The following RAPGEF1 variants were observed in gnomAD, a reference collection of about 807,000 sequenced individuals.
RAPGEF1 encodes CRK SH3-binding GNRP.
RAPGEF1 carries 33 observed loss-of-function variants against 143.3 expected under a neutral mutation model. The ratio of observed to expected loss-of-function variants is 0.23; its 90% CI spans 0.17 to 0.31. The LOEUF is 0.31. Ranked by LOEUF, RAPGEF1 falls within the 10% of genes least tolerant of loss-of-function variation. RAPGEF1 has a pLI of 1.00. For synonymous variants in RAPGEF1, 629 were observed against 676.5 expected (o/e 0.93, Z 1.09); for missense variants, 1,199 against 1,645.4 (o/e 0.73, Z 4.69).
chr9:131,709,536 A>T, intron 1 of RAPGEF1: 1 of 1,286,716 alleles, frequency 7.8e-7, no homozygotes, highest in Non-Finnish European at 1.1e-6. Context: ...TTCCCCAGGC[A>T]CTTCAGCTCT....
At chr9:131,656,258 T>C (rs1429529576) in intron 1 of RAPGEF1, among the ~76,000 whole-genome samples, 1 of 152,228 alleles carries the variant, frequency 6.6e-6, no homozygotes, top group East Asian at 1.9e-4. Flanking sequence ...CACTCTTCTC[T>C]TCCTTTGGCA....
In RAPGEF1 at chr9:131,636,780, A is replaced by G. The variant is rs145399130; in HGVS notation, c.651+1855T>C. Among the ~76,000 whole-genome samples the G allele has an allele frequency of 1.6e-3, 238 of 152,320 alleles. 2 individuals carry two copies. In the East Asian group the frequency reaches 0.017, roughly 11 times the overall value. ...CGTTCCACTCTGCTCTGCTGAACCC[A>G]GTGTGCTACTGTGAGGACCAGATAT... On this transcript the variant is annotated intron_variant, in intron 5 of 26. Coordinates refer to ENST00000683357, the MANE Select transcript of RAPGEF1 (RefSeq NM_001377935.1).
At chr9:131,670,798 A>G (rs527413621) in intron 1 of RAPGEF1, among the ~76,000 whole-genome samples, 47 of 152,210 alleles carry the variant, frequency 3.1e-4, no homozygotes, top group Non-Finnish European at 6.0e-4. Context: ...GGAAGAACAT[A>G]TATTTCAGTG....
intron 1 of RAPGEF1, among the ~76,000 whole-genome samples, chr9:131,658,314 A>G (rs1262499309): frequency 6.6e-6 from 1 of 150,664 alleles, no homozygotes; most frequent in African/African-American, 2.5e-5. Context: ...ACTTTCCCAC[A>G]TGGCCATGTC....
At chr9:131,674,658 T>C (rs1564677067) in intron 1 of RAPGEF1, among the ~76,000 whole-genome samples, 1 of 152,188 alleles carries the variant, frequency 6.6e-6, no homozygotes, top group Non-Finnish European at 1.5e-5. Context: ...TAGAGTCCAG[T>C]CCGGTGACCG....
At chr9:131,696,488 C>T (rs749620994) in intron 1 of RAPGEF1, among the ~76,000 whole-genome samples, 7 of 152,228 alleles carry the variant, frequency 4.6e-5, no homozygotes, top group Non-Finnish European at 8.8e-5. Flanking sequence ...CTCCGATGTA[C>T]ACTGTACTTT....
Position 131,627,964 on chromosome 9 carries a change from G to T in RAPGEF1, c.1150C>A (p.Leu384Met). 1 of 1,591,378 alleles carries T rather than the reference G, an allele frequency of 6.3e-7. No individual in the cohort carries two copies. The highest frequency in any genetic ancestry group is 1.1e-5 in the South Asian group (1 of 87,282). Residue 384 changes from leucine (L) to methionine (M), a missense_variant, in exon 9 of 27, where the codon CTG becomes ATG. Leu to Met is a conservative substitution (Grantham distance 15). Around this residue, in one of 6 missense-constraint regions of RAPGEF1, gnomAD observed 613 missense variants for 710.9 expected, o/e 0.86. Transcript: ENST00000683357. ...GAGCACTGCCCACTGTCCCTGTCCAGAGAGGACAGCTGCTCGTCTGACTTG... is the reference window on the plus strand; with the variant it reads ...GAGCACTGCCCACTGTCCCTGTCCATAGAGGACAGCTGCTCGTCTGACTTG... ...LSKSDEQLSSLDRDSGQCSRN... is the reference protein window; with the variant it reads ...LSKSDEQLSSMDRDSGQCSRN...
In RAPGEF1 at chr9:131,635,228, A is replaced by C. The variant is rs1053293689; in HGVS notation, c.651+3407T>G. ...CCAGGTACTTTATATACTTTATCTT[A>C]CTGAATTTCCTCAAATCTTCAGGGT... On this transcript the variant is annotated intron_variant, in intron 5 of 26. Coordinates refer to ENST00000683357, the MANE Select transcript of RAPGEF1 (RefSeq NM_001377935.1). Among the ~76,000 whole-genome samples the C allele has an allele frequency of 2.6e-5, 4 of 152,220 alleles. No individual in the cohort carries two copies. The South Asian group carries it at 6.2e-4, about 24-fold the overall frequency.
At chr9:131,724,526 C>T (rs368791400) in intron 1 of RAPGEF1, among the ~76,000 whole-genome samples, 99 of 152,028 alleles carry the variant, frequency 6.5e-4, no homozygotes, top group African/African-American at 2.2e-3. Context: ...ACCCGGGAGG[C>T]GGAGCTTGCA....
At chr9:131,724,936 TATTAC>T (rs1443699152) in intron 1 of RAPGEF1, among the ~76,000 whole-genome samples, 1 of 152,204 alleles carries the variant, frequency 6.6e-6, no homozygotes, top group African/African-American at 2.4e-5. Context: ...TCATAAAGGA[TATTAC>T]AAAGGACACA....
At chr9:131,599,053 G>A (rs1310485978) in intron 15 of RAPGEF1, among the ~76,000 whole-genome samples, 1 of 151,852 alleles carries the variant, frequency 6.6e-6, no homozygotes, top group African/African-American at 2.4e-5. Flanking sequence ...TCGAACTCCT[G>A]TCCTCGTGAT....
chr9:131,597,827 T>C (rs556735323), intron 16 of RAPGEF1, among the ~76,000 whole-genome samples: 156 of 152,168 alleles, frequency 1.0e-3, no homozygotes, highest in African/African-American at 3.5e-3. Context: ...GAAGCTACAG[T>C]GGAGCTATTT....
rs752263305 is a variant in RAPGEF1, at chr9:131,643,276, A to C, written c.457T>G (p.Leu153Val). ...GSASKVLEAI[L>V]PLVQNDPRIQ... The stretch of plus-strand genomic sequence containing the variant: ...CGAGGATCGTTCTGCACCAGGGGTA[A>C]GATGGCCTCCAGCACCTTGCTGGCT... The change falls in exon 4 of 27, where the codon TTA becomes GTA. Residue 153 changes from leucine (L) to valine (V), a missense_variant. This residue lies in a region of RAPGEF1 where 613 missense variants were observed against 710.9 expected (regional missense o/e 0.86). Transcript: ENST00000683357. 1.2e-6 allele frequency: 2 copies of C among 1,612,940 alleles called. No individual in the cohort carries two copies. Among genetic ancestry groups the C allele is most frequent in the South Asian group, 2.2e-5 (2 of 90,906 alleles).
chr9:131,592,136 T>C lies in RAPGEF1; in HGVS notation c.2737A>G (p.Ile913Val), dbSNP rs1954395530. 1 of 1,612,768 alleles carries C rather than the reference T, an allele frequency of 6.2e-7. No individual in the cohort carries two copies. Among genetic ancestry groups the C allele is most frequent in the Admixed American group, 1.7e-5 (1 of 59,996 alleles). The change falls in exon 18 of 27, where the codon ATC (isoleucine) becomes GTC (valine). Residue 913 changes from isoleucine (I) to valine (V), a missense_variant. Coordinates refer to ENST00000683357, the MANE Select transcript of RAPGEF1 (RefSeq NM_001377935.1). ...TTCTTGATGAGCTCCTCTGGGGAGA[T>C]GAAGGTCCTGTAGGTGGTCAGGAAT... The part of the protein sequence containing the change: ...EAFLTTYRTF[I>V]SPEELIKKLQ...
At chr9:131,733,360 G>A (rs1466886013) in intron 1 of RAPGEF1, among the ~76,000 whole-genome samples, 7 of 67,786 alleles carry the variant, frequency 1.0e-4, no homozygotes, top group Non-Finnish European at 1.5e-4. Flanking sequence ...AAGCCGGGGC[G>A]GGGGCGGGGG....
intron 1 of RAPGEF1, among the ~76,000 whole-genome samples, chr9:131,689,641 C>T (rs538492896): frequency 3.9e-5 from 6 of 152,100 alleles, no homozygotes; most frequent in South Asian, 2.1e-4. Context: ...TGGGTTCAAG[C>T]GCTTCTCTTG....
chr9:131,580,182 C>G (rs1564437454), intron 26 of RAPGEF1, 81 bp downstream of exon 26: 3 of 1,556,648 alleles, frequency 1.9e-6, no homozygotes, highest in Non-Finnish European at 2.6e-6. Flanking sequence ...CTCCCCCTCC[C>G]CTCGGTGTCC....
intron 1 of RAPGEF1, among the ~76,000 whole-genome samples, chr9:131,682,253 G>A (rs868179201): frequency 6.6e-6 from 1 of 152,226 alleles, no homozygotes; most frequent in Non-Finnish European, 1.5e-5. Context: ...TGTAAAAAAG[G>A]AAAACATTGG....
intron 18 of RAPGEF1, 147 bp downstream of exon 18, chr9:131,591,952 T>C (rs905984308): frequency 1.0e-5 from 6 of 577,264 alleles, no homozygotes; most frequent in Non-Finnish European, 1.9e-5. Flanking sequence ...GGAACCTCGG[T>C]CCATGGGGCT....
Sources: allele counts gnomAD v4.1 joint callset (sites outside exome capture counted in the v4.1 genomes callset), GRCh38; gene constraint gnomAD v4.1.1; regional missense constraint gnomAD v4.1.1; transcripts MANE v1.5; gene names NCBI Gene and HGNC (gene_info 2026-07-23, HGNC 2026-07-21).